CCDC91: variants seen among roughly 807,000 people sequenced by gnomAD.
CCDC91 encodes the protein coiled-coil domain containing 91, also known as coiled-coil domain-containing protein 91.
CCDC91 carries 48 observed loss-of-function variants against 63.2 expected under a neutral mutation model. That is an observed-to-expected ratio of 0.76 (90% confidence interval 0.60 to 0.97). The LOEUF is 0.97. Ranked by LOEUF, CCDC91 falls within the 50% of genes least tolerant of loss-of-function variation. The pLI is 0.00. For missense variants in CCDC91, 500 were observed against 494.6 expected, an observed-to-expected ratio of 1.01 and a Z score of -0.10; for synonymous variants, 167 against 165.8, an observed-to-expected ratio of 1.01 and a Z score of -0.06.
At chr12:28,371,223 C>A (rs1236344761) in intron 7 of CCDC91, among the ~76,000 whole-genome samples, 1 of 152,132 alleles carries the variant, frequency 6.6e-6, no homozygotes, top group African/African-American at 2.4e-5. Context: ...GGCTGCACAG[C>A]AGGAAGTGTT....
chr12:28,535,485 G>T (rs1042152518), intron 12 of CCDC91, among the ~76,000 whole-genome samples: 1 of 152,170 alleles, frequency 6.6e-6, no homozygotes, highest in Non-Finnish European at 1.5e-5. Flanking sequence ...CCTCAGAGAG[G>T]ACACTGCAGC....
In CCDC91 at chr12:28,510,237, A is replaced by ATGTG. The variant is rs60548491; in HGVS notation, c.1215+26090_1215+26093dup. On this transcript the variant is annotated intron_variant, in intron 12 of 12. Transcript: ENST00000536442. ...TCCAGAGAGACAGAGTCAATAGGGC[A>ATGTG]TGTGTGTGTGTGTGTGTGTGTAGAA... 6.5e-3 allele frequency among the ~76,000 whole-genome samples: 976 copies of ATGTG among 149,136 alleles called. 8 individuals carry two copies. Among genetic ancestry groups the ATGTG allele is most frequent in the Non-Finnish European group, 9.1e-3 (611 of 66,972 alleles).
At chr12:28,320,240 G>A (rs796953897) in intron 6 of CCDC91, among the ~76,000 whole-genome samples, 8 of 151,944 alleles carry the variant, frequency 5.3e-5, no homozygotes, top group African/African-American at 1.9e-4. Context: ...CTATTAGGTT[G>A]TTTATAAGTA....
intron 3 of CCDC91, among the ~76,000 whole-genome samples, chr12:28,285,903 C>T (rs540027381): frequency 6.6e-6 from 1 of 151,980 alleles, no homozygotes; most frequent in African/African-American, 2.4e-5. Context: ...AAGCAATTCG[C>T]AAATCATTAT....
In CCDC91 at chr12:28,402,168, G is replaced by A. The variant is rs73085917; in HGVS notation, c.762+10757G>A. On this transcript the variant is annotated intron_variant, in intron 8 of 12. Coordinates refer to ENST00000536442, the MANE Select transcript of CCDC91 (RefSeq NM_018318.5). ...CATGATACTTAACAGCATCCGTCACGTCTACCCCTAGATGCCATGGCACAC... is the reference window on the plus strand; with the variant it reads ...CATGATACTTAACAGCATCCGTCACATCTACCCCTAGATGCCATGGCACAC... Among the ~76,000 whole-genome samples, 1,237 of 152,186 alleles carry A rather than the reference G, an allele frequency of 8.1e-3. 5 individuals carry two copies. Among genetic ancestry groups the A allele is most frequent in the Non-Finnish European group, 0.014 (938 of 68,010 alleles).
chr12:28,259,107 A>G (rs1274959790), intron 2 of CCDC91, among the ~76,000 whole-genome samples: 1 of 152,080 alleles, frequency 6.6e-6, no homozygotes, highest in Admixed American at 6.6e-5. Flanking sequence ...AATATATAAA[A>G]TAAAAATATT....
intron 1 of CCDC91, among the ~76,000 whole-genome samples, chr12:28,255,112 G>T (rs1409633929): frequency 6.6e-6 from 1 of 152,134 alleles, no homozygotes; most frequent in East Asian, 1.9e-4. Context: ...GTGGTCACTA[G>T]TATGTTCTTT....
At chr12:28,272,570 T>C (rs1947858421) in intron 3 of CCDC91, among the ~76,000 whole-genome samples, 1 of 152,100 alleles carries the variant, frequency 6.6e-6, no homozygotes, top group Non-Finnish European at 1.5e-5. Flanking sequence ...AATCTGTCCA[T>C]TGAATTTATA....
chr12:28,218,300 A>G (rs1006653754), intron 1 of CCDC91, among the ~76,000 whole-genome samples: 3 of 152,124 alleles, frequency 2.0e-5, no homozygotes, highest in Non-Finnish European at 4.4e-5. Flanking sequence ...AGAGGAAGGG[A>G]TTTAGCACTA....
At chr12:28,446,673 C>T (rs1215042101) in intron 8 of CCDC91, among the ~76,000 whole-genome samples, 2 of 152,146 alleles carry the variant, frequency 1.3e-5, no homozygotes, top group East Asian at 1.9e-4. Flanking sequence ...TCCTGTTGCC[C>T]GGGCTGGTCT....
At chr12:28,432,218 A>G (rs1189417078) in intron 8 of CCDC91, among the ~76,000 whole-genome samples, 2 of 151,942 alleles carry the variant, frequency 1.3e-5, no homozygotes, top group African/African-American at 2.4e-5. Flanking sequence ...CTTTGGATGT[A>G]CCACAGTTTA....
At chr12:28,317,319 T>A (rs1322919450) in intron 6 of CCDC91, among the ~76,000 whole-genome samples, 3 of 152,028 alleles carry the variant, frequency 2.0e-5, no homozygotes, top group Non-Finnish European at 4.4e-5. Context: ...TAGATTCTTT[T>A]CCCTGCTGAT....
At chr12:28,399,891 T>C (rs1360079575) in intron 8 of CCDC91, among the ~76,000 whole-genome samples, 1 of 152,220 alleles carries the variant, frequency 6.6e-6, no homozygotes, top group African/African-American at 2.4e-5. Flanking sequence ...GGCCTCCTCC[T>C]GGCTGCTTTC....
At chr12:28,297,407 T>TC (rs1949622160) in intron 3 of CCDC91, among the ~76,000 whole-genome samples, 1 of 151,872 alleles carries the variant, frequency 6.6e-6, no homozygotes, top group South Asian at 2.1e-4. Context: ...AAATGATATG[T>TC]CCAAGTGACT....
intron 6 of CCDC91, chr12:28,319,526 C>G (rs983116675): frequency 1.0e-4 from 18 of 171,656 alleles, no homozygotes; most frequent in African/African-American, 3.6e-4. Context: ...CAGGACCTCT[C>G]TTAGATACCA....
chr12:28,197,037 A>G (rs1463741912), intron 1 of CCDC91, among the ~76,000 whole-genome samples: 1 of 152,186 alleles, frequency 6.6e-6, no homozygotes, highest in Non-Finnish European at 1.5e-5. Flanking sequence ...AATTAACATT[A>G]AATATTTGTG....
At chr12:28,375,992 C>T (rs1944918872) in intron 7 of CCDC91, among the ~76,000 whole-genome samples, 1 of 151,878 alleles carries the variant, frequency 6.6e-6, no homozygotes, top group Non-Finnish European at 1.5e-5. Context: ...TGATTCTCAA[C>T]TTCTACAGTG....
intron 3 of CCDC91, among the ~76,000 whole-genome samples, chr12:28,299,776 G>A (rs1937843186): frequency 6.6e-6 from 1 of 151,428 alleles, no homozygotes; most frequent in Non-Finnish European, 1.5e-5. Flanking sequence ...AGGGCCTTTT[G>A]TATATTTTCA....
intron 12 of CCDC91, among the ~76,000 whole-genome samples, chr12:28,535,255 T>C (rs1376502803): frequency 6.6e-6 from 1 of 152,220 alleles, no homozygotes; most frequent in Non-Finnish European, 1.5e-5. Context: ...CAAAACTGTC[T>C]TTATTTTTCA....
Sources: gnomAD v4.1 joint callset for allele counts (sites outside exome capture counted in the v4.1 genomes callset) on GRCh38, gnomAD v4.1.1 for gene constraint, MANE v1.5 for transcripts, NCBI Gene and HGNC (gene_info 2026-07-23, HGNC 2026-07-21) for gene names.